Variants in PCDHA12 observed in about 807,000 individuals in gnomAD.
The protein encoded by PCDHA12 is protocadherin alpha 12, also known as protocadherin alpha-12.
A neutral mutation model predicts 60.0 loss-of-function variants in PCDHA12; 44 were observed. The observed-to-expected ratio is 0.73, with a 90% CI of 0.58 to 0.94. PCDHA12 has a LOEUF of 0.94. Among genes scored for constraint, PCDHA12 ranks in the 40% least tolerant of loss-of-function variants. The pLI, the probability that PCDHA12 is intolerant of heterozygous loss-of-function variation, is 0.00. For synonymous variants in PCDHA12, 569 were observed against 553.0 expected (o/e 1.03, Z -0.40); for missense variants, 1,276 against 1,239.7 (o/e 1.03, Z -0.44).
At chr5:140,980,897 A>G (rs2096910436) in intron 2 of PCDHA12, among the ~76,000 whole-genome samples, 1 of 152,186 alleles carries the variant, frequency 6.6e-6, no homozygotes, top group African/African-American at 2.4e-5. Context: ...AGTCTTGGAC[A>G]TCATGTAACT....
chr5:140,897,540 A>C (rs1554187435), intron 1 of PCDHA12, among the ~76,000 whole-genome samples: 1 of 152,052 alleles, frequency 6.6e-6, no homozygotes, highest in Non-Finnish European at 1.5e-5. Flanking sequence ...ATGGCTGCAT[A>C]GTCTTCCATG....
intron 1 of PCDHA12, among the ~76,000 whole-genome samples, chr5:140,945,598 T>C (rs544036785): frequency 1.3e-5 from 2 of 152,116 alleles, no homozygotes; most frequent in South Asian, 2.1e-4. Flanking sequence ...TTCAAAGCTA[T>C]AATAATCAAA....
chr5:140,980,684 G>GAA (rs782726576), intron 2 of PCDHA12, among the ~76,000 whole-genome samples: 2 of 145,064 alleles, frequency 1.4e-5, no homozygotes, highest in African/African-American at 5.1e-5. Context: ...TTTTCAAATT[G>GAA]AAAAAAAAAA....
intron 1 of PCDHA12, chr5:140,930,059 A>G (rs1486359495): frequency 6.6e-6 from 1 of 152,200 alleles, no homozygotes; most frequent in Non-Finnish European, 1.5e-5. Flanking sequence ...TTGCTTACAC[A>G]AAAACTGTAA....
chr5:140,909,837 A>G (rs1385622846), intron 1 of PCDHA12, among the ~76,000 whole-genome samples: 3 of 152,190 alleles, frequency 2.0e-5, no homozygotes, highest in Non-Finnish European at 4.4e-5. Context: ...CTGGAGGACC[A>G]CCAGGACGTT....
At chr5:140,925,420 G>C (rs1332055982) in intron 1 of PCDHA12, among the ~76,000 whole-genome samples, 2 of 152,102 alleles carry the variant, frequency 1.3e-5, no homozygotes, top group Non-Finnish European at 2.9e-5. Flanking sequence ...AAAGGAACTG[G>C]TTGTAGGGTG....
At chr5:140,929,034 C>A in intron 1 of PCDHA12, 4 of 1,614,158 alleles carry the variant, frequency 2.5e-6, no homozygotes, top group Non-Finnish European at 3.4e-6. Flanking sequence ...CAGGCTGTTG[C>A]GCTCAGAGCT....
chr5:140,952,442 A>G (rs1431756877), intron 1 of PCDHA12, among the ~76,000 whole-genome samples: 1 of 152,178 alleles, frequency 6.6e-6, no homozygotes, highest in African/African-American at 2.4e-5. Context: ...CAGGCATAAT[A>G]CAGCCAGGCT....
intron 1 of PCDHA12, among the ~76,000 whole-genome samples, chr5:140,909,546 A>T (rs1322878685): frequency 6.6e-6 from 1 of 152,180 alleles, no homozygotes; most frequent in African/African-American, 2.4e-5. Flanking sequence ...TGATGGTGGC[A>T]CTAATCTCTG....
At chr5:140,882,776 T>C in intron 1 of PCDHA12, 2 of 1,614,252 alleles carry the variant, frequency 1.2e-6, no homozygotes, top group Non-Finnish European at 1.7e-6. Context: ...GGCATTGACC[T>C]ACCGACTGGA....
chr5:140,883,339 C>T (rs142984869), intron 1 of PCDHA12: 2 of 1,614,172 alleles, frequency 1.2e-6, no homozygotes, highest in Admixed American at 3.3e-5. Flanking sequence ...CTTTGTCACT[C>T]CCCATCAGAG....
At chr5:140,880,095 A>G (rs2058235665) in intron 1 of PCDHA12, among the ~76,000 whole-genome samples, 1 of 152,246 alleles carries the variant, frequency 6.6e-6, no homozygotes, top group South Asian at 2.1e-4. Flanking sequence ...AGTAGGCTTA[A>G]AATCATAGAA....
At chr5:140,988,058 A>G (rs2097280755) in intron 3 of PCDHA12, among the ~76,000 whole-genome samples, 1 of 152,200 alleles carries the variant, frequency 6.6e-6, no homozygotes, top group African/African-American at 2.4e-5. Flanking sequence ...CACTGTCAAC[A>G]TGAATTTTTC....
intron 1 of PCDHA12, 56 bp downstream of exon 1, chr5:140,877,895 G>T (rs1554170219): frequency 1.4e-6 from 2 of 1,447,634 alleles, no homozygotes; most frequent in South Asian, 3.1e-5. Context: ...TTCCGTTTAG[G>T]TTATAACTAC....
intron 1 of PCDHA12, chr5:140,881,349 A>G: frequency 2.0e-6 from 2 of 985,302 alleles, no homozygotes; most frequent in Non-Finnish European, 2.4e-6. Flanking sequence ...TCGGGCTACA[A>G]TGCGTGGCTT....
intron 1 of PCDHA12, among the ~76,000 whole-genome samples, chr5:140,933,677 T>G (rs1024721491): frequency 6.6e-6 from 1 of 151,826 alleles, no homozygotes; most frequent in African/African-American, 2.4e-5. Flanking sequence ...CTCTCTCACA[T>G]TTTTTTTCCT....
At chr5:140,900,674 T>C (rs782072148) in intron 1 of PCDHA12, among the ~76,000 whole-genome samples, 11 of 152,230 alleles carry the variant, frequency 7.2e-5, no homozygotes, top group African/African-American at 2.4e-4. Context: ...AGTGCAGTTA[T>C]CTCTTCAATA....
At chr5:140,967,690 C>T (rs782694266) in intron 1 of PCDHA12, 1 of 1,614,190 alleles carries the variant, frequency 6.2e-7, no homozygotes, top group Admixed American at 1.7e-5. Flanking sequence ...GGCAGCTCTT[C>T]AGCATAGATG....
At chr5:140,909,835 C>T (rs1554193946) in intron 1 of PCDHA12, among the ~76,000 whole-genome samples, 2 of 152,068 alleles carry the variant, frequency 1.3e-5, no homozygotes, top group Non-Finnish European at 2.9e-5. Context: ...AACTGGAGGA[C>T]CACCAGGACG....
Sources: gnomAD v4.1 joint callset for allele counts (sites outside exome capture counted in the v4.1 genomes callset) on GRCh38, gnomAD v4.1.1 for gene constraint, MANE v1.5 for transcripts, NCBI Gene and HGNC (gene_info 2026-07-23, HGNC 2026-07-21) for gene names.